The following SIPA1L2 variants were observed in gnomAD, a reference collection of about 807,000 sequenced individuals.
SIPA1L2 encodes signal induced proliferation associated 1 like 2.
A neutral mutation model predicts 163.9 loss-of-function variants in SIPA1L2; 56 were observed. That is an observed-to-expected ratio of 0.34 (90% CI 0.28 to 0.43). SIPA1L2 has a LOEUF of 0.43. SIPA1L2 is among the 20% of genes least tolerant of loss of function. The pLI is 1.00. For synonymous variants in SIPA1L2, 877 were observed against 865.7 expected (o/e 1.01, Z -0.23); for missense variants, 1,974 against 2,193.5 (o/e 0.90, Z 2.00).
At chr1:232,580,464 A>C (rs1477126110) in intron 1 of SIPA1L2, among the ~76,000 whole-genome samples, 1 of 152,126 alleles carries the variant, frequency 6.6e-6, no homozygotes, top group African/African-American at 2.4e-5. Context: ...TGTCAGCCTC[A>C]TTTTACTCAG....
At chr1:232,420,813 C>T (rs915685214) in intron 18 of SIPA1L2, among the ~76,000 whole-genome samples, 36 of 151,946 alleles carry the variant, frequency 2.4e-4, no homozygotes, top group South Asian at 1.2e-3. Flanking sequence ...CCGGCCTGAG[C>T]GAAAGAGTGA....
chr1:232,576,608 T>TC (rs1660091348), intron 1 of SIPA1L2, among the ~76,000 whole-genome samples: 1 of 151,956 alleles, frequency 6.6e-6, no homozygotes, highest in African/African-American at 2.4e-5. Context: ...TCACTTTAAA[T>TC]AAAAAACCAG....
chr1:232,419,933 T>C (rs1661469935), intron 18 of SIPA1L2, among the ~76,000 whole-genome samples: 1 of 152,210 alleles, frequency 6.6e-6, no homozygotes, highest in South Asian at 2.1e-4. Flanking sequence ...AGGGAGAGAA[T>C]AACTAGTAAG....
Position 232,514,666 on chromosome 1 carries a change from A to T in SIPA1L2, c.674T>A (p.Met225Lys). ...YRVENYDHKAMVPFGFPEFFR... is the reference protein window; with the variant it reads ...YRVENYDHKAKVPFGFPEFFR... ...AAATTCAGGGAACCCAAAAGGGACC[A>T]TTGCTTTGTGGTCATAATTTTCTAC... Residue 225 changes from methionine (M) to lysine (K), a missense_variant, in exon 3 of 23, where the codon ATG (methionine) becomes AAG (lysine). Around this residue, in one of 3 missense-constraint regions of SIPA1L2, gnomAD observed 607 missense variants for 624.0 expected, o/e 0.97. Transcript: ENST00000674635. 3.1e-6 allele frequency: 5 copies of T among 1,614,196 alleles called. No individual in the cohort carries two copies. The highest frequency in any genetic ancestry group is 4.2e-6 in the Non-Finnish European group (5 of 1,180,038).
At chr1:232,451,397 C>T (rs1242909198) in intron 10 of SIPA1L2, among the ~76,000 whole-genome samples, 1 of 152,138 alleles carries the variant, frequency 6.6e-6, no homozygotes, top group Non-Finnish European at 1.5e-5. Context: ...CAAGACACCC[C>T]AGCTCATGTG....
At chr1:232,443,264 G>T (rs1418441726) in intron 12 of SIPA1L2, among the ~76,000 whole-genome samples, 1 of 152,338 alleles carries the variant, frequency 6.6e-6, no homozygotes, top group Admixed American at 6.5e-5. Flanking sequence ...AAGCAAAAAA[G>T]CCAAACGCTA....
rs576372282 is a variant in SIPA1L2, at chr1:232,400,946, G to A, written c.5022+1446C>T. Among the ~76,000 whole-genome samples the A allele has an allele frequency of 3.3e-5, 5 of 152,172 alleles. No homozygotes were observed. In the East Asian group the frequency reaches 9.7e-4, roughly 29 times the overall value. On this transcript the variant is annotated intron_variant, in intron 22 of 22. Coordinates refer to ENST00000674635, the MANE Select transcript of SIPA1L2 (RefSeq NM_020808.5). ...AATTTCTCCAGTATCCACTCCTCCA[G>A]TAATGATAGACTCCATCAATCTTAT...
intron 1 of SIPA1L2, among the ~76,000 whole-genome samples, chr1:232,595,431 C>T (rs1204796737): frequency 2.0e-5 from 3 of 152,208 alleles, no homozygotes; most frequent in African/African-American, 7.2e-5. Flanking sequence ...GGTCGGAAAG[C>T]ACACCACCCT....
rs774296147 is a variant in SIPA1L2 at position 232,439,423 on chromosome 1, T to C, written c.3716A>G (p.Asp1239Gly). The stretch of plus-strand genomic sequence containing the variant: ...CAGGTCGCCAGACCCAAAGTGCTTG[T>C]CGTCACTGTTGCTGGAGGTGTTGCT... ...LSSNTSSNSD[D>G]KHFGSGDLMD... Residue 1239 changes from aspartate to glycine, a missense_variant, in exon 15 of 23, where the codon GAC becomes GGC. This residue lies in a region of SIPA1L2 where 1,079 missense variants were observed against 1,150.7 expected (regional missense o/e 0.94). Transcript: ENST00000674635. 6.2e-7 allele frequency: 1 copy of C among 1,614,088 alleles called. No homozygotes were observed. The highest frequency in any genetic ancestry group is 8.5e-7 in the Non-Finnish European group (1 of 1,180,038).
chr1:232,428,812 G>GTTT (rs1662053758), intron 16 of SIPA1L2, among the ~76,000 whole-genome samples: 1 of 152,160 alleles, frequency 6.6e-6, no homozygotes, highest in South Asian at 2.1e-4. Flanking sequence ...AGCCCAGGAT[G>GTTT]AAAAAATTAC....
chr1:232,622,614 C>A (rs1043107022), intron 1 of SIPA1L2, among the ~76,000 whole-genome samples: 9 of 152,168 alleles, frequency 5.9e-5, no homozygotes, highest in Non-Finnish European at 1.3e-4. Flanking sequence ...TCATGAAAGG[C>A]GGCCACCTAA....
chr1:232,570,751 A>C (rs1659679341), intron 2 of SIPA1L2, among the ~76,000 whole-genome samples: 1 of 152,190 alleles, frequency 6.6e-6, no homozygotes, highest in African/African-American at 2.4e-5. Context: ...AATATAAATA[A>C]AACTTAATTT....
At chr1:232,583,264 G>A (rs573053744) in intron 1 of SIPA1L2, among the ~76,000 whole-genome samples, 41 of 152,256 alleles carry the variant, frequency 2.7e-4, no homozygotes, top group African/African-American at 9.6e-4. Context: ...AAGTTAGGAA[G>A]TAATAGGCAT....
intron 2 of SIPA1L2, among the ~76,000 whole-genome samples, chr1:232,527,834 C>A (rs146902524): frequency 0.011 from 1,618 of 144,290 alleles, 25 homozygotes; most frequent in Non-Finnish European, 0.014. Flanking sequence ...TGGACTCAAG[C>A]GATCCTCCCA....
At chr1:232,629,244 A>T (rs953217701) in intron 1 of SIPA1L2, among the ~76,000 whole-genome samples, 1 of 152,210 alleles carries the variant, frequency 6.6e-6, no homozygotes, top group Non-Finnish European at 1.5e-5. Context: ...ATTAATCTGT[A>T]GGTGTTCCCA....
Position 232,592,809 on chromosome 1 carries a change from G to A in SIPA1L2, c.-318-18587C>T, listed in dbSNP as rs1174610243. Among the ~76,000 whole-genome samples the A allele has an allele frequency of 1.1e-3, 160 of 145,850 alleles. 1 individual carries two copies. Among genetic ancestry groups the A allele is most frequent in the African/African-American group, 3.7e-3 (146 of 39,656 alleles). ...GTTTATCCTCTCCGAATGTTCACAG[G>A]AAAAAAAAAAAAAGGTGAAAATGCC... On this transcript the variant is annotated intron_variant, in intron 1 of 22. Transcript: ENST00000674635.
chr1:232,438,882 T>C (rs1052554953), intron 15 of SIPA1L2, among the ~76,000 whole-genome samples: 2 of 139,050 alleles, frequency 1.4e-5, no homozygotes, highest in Admixed American at 7.3e-5. Flanking sequence ...TCACTCAAAC[T>C]TAATAGGAAA....
Position 232,472,385 on chromosome 1 carries a change from G to A in SIPA1L2, c.2086-857C>T, listed in dbSNP as rs577890907. 2.6e-5 allele frequency among the ~76,000 whole-genome samples: 4 copies of A among 152,290 alleles called. No individual in the cohort carries two copies. The East Asian group carries it at 7.7e-4, about 29-fold the overall frequency. ...ATAACCTTCATGAGGGCACAGAAGTGTCATACTGACTTTCAGTTTCCTAGT... is the reference window on the plus strand; with the variant it reads ...ATAACCTTCATGAGGGCACAGAAGTATCATACTGACTTTCAGTTTCCTAGT... On this transcript the variant is annotated intron_variant, in intron 7 of 22. Transcript: ENST00000674635.
At position 232,513,848 on chromosome 1, in the gene SIPA1L2, C is replaced by A. The variant is rs750348326; in HGVS notation, c.1483+9G>T. The stretch of plus-strand genomic sequence containing the variant: ...GAGACACATGCAAACGCCCATGGCT[C>A]TTCCTTACCTTTCCCATAGAAGAAT... On this transcript the variant is annotated intron_variant, in intron 3 of 22. Coordinates refer to ENST00000674635, the MANE Select transcript of SIPA1L2 (RefSeq NM_020808.5). 6.4e-7 allele frequency: 1 copy of A among 1,550,594 alleles called. No individual in the cohort carries two copies. The highest frequency in any genetic ancestry group is 8.7e-7 in the Non-Finnish European group (1 of 1,153,422).
Sources: gnomAD v4.1 joint callset for allele counts (sites outside exome capture counted in the v4.1 genomes callset) on GRCh38, gnomAD v4.1.1 for gene constraint, gnomAD v4.1.1 regional missense constraint, MANE v1.5 for transcripts, NCBI Gene and HGNC (gene_info 2026-07-23, HGNC 2026-07-21) for gene names.